Variants in RYR2 observed in about 807,000 individuals in gnomAD.
RYR2 encodes the protein ryanodine receptor 2.
Under a neutral mutation model 601.1 loss-of-function variants are expected in RYR2, and 227 were observed. That is an observed-to-expected ratio of 0.38 (90% CI 0.34 to 0.42). RYR2 has a LOEUF of 0.42. Among genes scored for constraint, RYR2 ranks in the 10% least tolerant of loss-of-function variants. The pLI, the probability that RYR2 is intolerant of heterozygous loss-of-function variation, is 1.00. For synonymous variants in RYR2, 2,223 were observed against 2,175.1 expected (o/e 1.02, Z -0.61); for missense variants, 4,646 against 6,156.5 (o/e 0.75, Z 8.21).
At position 237,550,640 on chromosome 1, in the gene RYR2, C is replaced by T. The variant is rs754181384; in HGVS notation, c.3163C>T (p.Arg1055Cys). The T allele has an allele frequency of 1.3e-5, 20 of 1,580,458 alleles. No individual in the cohort carries two copies. The highest frequency in any genetic ancestry group is 1.7e-5 in the Non-Finnish European group (20 of 1,162,696). ...SNKDSLREAVRTLLGYGYNLE... is the reference protein window; with the variant it reads ...SNKDSLREAVCTLLGYGYNLE... ...CAAGGACAGCCTCCGCGAGGCTGTG[C>T]GCACGCTGCTGGGGTACGGCTACAA... Residue 1055 changes from arginine (R) to cysteine (C), a missense_variant, in exon 27 of 105, where the codon CGC (arginine) becomes TGC (cysteine). Physicochemically the swap from Arg to Cys is radical, Grantham distance 180 (BLOSUM62 -3). Transcript: ENST00000366574.
chr1:237,800,075 G>A (rs372662021), intron 97 of RYR2: 68 of 152,018 alleles, frequency 4.5e-4, no homozygotes, highest in African/African-American at 1.5e-3. Flanking sequence ...GCCACCTACG[G>A]GTGAGAAATG....
At chr1:237,237,148 C>T (rs761151953) in intron 1 of RYR2, among the ~76,000 whole-genome samples, 1 of 152,136 alleles carries the variant, frequency 6.6e-6, no homozygotes, top group African/African-American at 2.4e-5. Context: ...CGGAGGCCTC[C>T]CCAGCCATGC....
At chr1:237,085,387 G>A (rs1483844010) in intron 1 of RYR2, among the ~76,000 whole-genome samples, 2 of 152,164 alleles carry the variant, frequency 1.3e-5, no homozygotes, top group Non-Finnish European at 2.9e-5. Context: ...GTCTTTTGGA[G>A]TCCCTTCCCT....
chr1:237,420,960 C>T (rs768061730), intron 11 of RYR2, among the ~76,000 whole-genome samples: 14 of 152,028 alleles, frequency 9.2e-5, no homozygotes, highest in Non-Finnish European at 1.3e-4. Flanking sequence ...TAATTGTGAC[C>T]GGGCACAGGG....
In RYR2 at chr1:237,758,766, C is replaced by T. The variant is rs377341484; in HGVS notation, c.11325+990C>T. Among the ~76,000 whole-genome samples, 51 of 152,292 alleles carry T rather than the reference C, an allele frequency of 3.3e-4. No individual in the cohort carries two copies. In the South Asian group the frequency reaches 0.01, roughly 30 times the overall value. ...ATTCTTATTTCCTTAAACCTTTGAG[C>T]ATGCTTTCTATCATCTTGTATGTGC... On this transcript the variant is annotated intron_variant, in intron 82 of 104. Coordinates refer to ENST00000366574, the MANE Select transcript of RYR2 (RefSeq NM_001035.3).
rs1573283219 is a variant in RYR2 at position 237,640,828 on chromosome 1, G to C, written c.7116-69G>C. 1.5e-5 allele frequency: 18 copies of C among 1,223,052 alleles called. No homozygotes were observed. The East Asian group carries it at 4.4e-4, about 30-fold the overall frequency. 75.8% of individuals were successfully genotyped at this position (1,223,052 alleles called of 1,614,324 possible). On this transcript the variant is annotated intron_variant, in intron 46 of 104. Coordinates refer to ENST00000366574, the MANE Select transcript of RYR2 (RefSeq NM_001035.3). Reference sequence around the variant, plus strand: ...ACCTAGTAGTCCCTTTCCTCGGAGAGATATGTAATAAACATGAAATGTCAG... The same window carrying C: ...ACCTAGTAGTCCCTTTCCTCGGAGACATATGTAATAAACATGAAATGTCAG...
At chr1:237,724,195 ATATATATATATATATATATATATG>A (rs1356181145) in intron 74 of RYR2, among the ~76,000 whole-genome samples, 2 of 25,366 alleles carry the variant, frequency 7.9e-5, no homozygotes, top group African/African-American at 1.6e-4. Flanking sequence ...ATATATATAT[ATATATATATATATATATATATATG>A]TATGTGTGAT....
chr1:237,190,916 GT>G (rs1254303286), intron 1 of RYR2, among the ~76,000 whole-genome samples: 1 of 152,164 alleles, frequency 6.6e-6, no homozygotes, highest in African/African-American at 2.4e-5. Context: ...GGGTTTTTAA[GT>G]TTGATGTAGT....
At chr1:237,564,251 G>A (rs1201762756) in intron 27 of RYR2, among the ~76,000 whole-genome samples, 1 of 152,000 alleles carries the variant, frequency 6.6e-6, no homozygotes, top group Non-Finnish European at 1.5e-5. Flanking sequence ...TAGTATTGCA[G>A]CACTGAGAAC....
intron 16 of RYR2, among the ~76,000 whole-genome samples, chr1:237,464,515 A>G (rs562145435): frequency 6.6e-6 from 1 of 151,202 alleles, no homozygotes; most frequent in African/African-American, 2.4e-5. Flanking sequence ...TTCTTCTTCC[A>G]CCTTATTTTG....
chr1:237,349,443 G>C (rs553224621), intron 3 of RYR2, among the ~76,000 whole-genome samples: 1 of 152,232 alleles, frequency 6.6e-6, no homozygotes, highest in Admixed American at 6.5e-5. Flanking sequence ...TCTTCAGGCA[G>C]AAAGGAAATG....
At position 237,308,326 on chromosome 1, in the gene RYR2, T is replaced by C. The variant is rs528714426; in HGVS notation, c.169-22552T>C. Among the ~76,000 whole-genome samples, 100 of 152,304 alleles carry C rather than the reference T, an allele frequency of 6.6e-4. No individual in the cohort carries two copies. The Middle Eastern group carries it at 0.01, about 16-fold the overall frequency. On this transcript the variant is annotated intron_variant, in intron 2 of 104. Coordinates refer to ENST00000366574, the MANE Select transcript of RYR2 (RefSeq NM_001035.3). ...AGCATTGTACCTAGGGTGGACACGT[T>C]CCTCCTCTTACTTTCAGGAACGTCC... is the stretch of plus-strand genomic sequence containing the variant.
chr1:237,828,445 G>A lies in RYR2; in HGVS notation c.14655G>A (p.Glu4885=). The change falls in exon 102 of 105, where the codon GAG becomes GAA. Residue 4885 remains glutamate, a splice_region_variant and synonymous_variant. Transcript: ENST00000366574. ...AGGAACAAGTCAAAGAAGACATGGA[G>A]GTAAGCTTCTCCATTCATGACTCAG... ...DQQEQVKEDM[E]TKCFICGIGN... 6.4e-7 allele frequency: 1 copy of A among 1,554,936 alleles called. No individual in the cohort carries two copies. The highest frequency in any genetic ancestry group is 8.7e-7 in the Non-Finnish European group (1 of 1,145,598).
At chr1:237,262,183 T>C (rs1415736157) in intron 1 of RYR2, among the ~76,000 whole-genome samples, 1 of 150,278 alleles carries the variant, frequency 6.7e-6, no homozygotes, top group African/African-American at 2.4e-5. Context: ...CACAAAATTG[T>C]CAGAATCCAG....
intron 29 of RYR2, among the ~76,000 whole-genome samples, chr1:237,583,582 A>C (rs1674172209): frequency 6.6e-6 from 1 of 152,188 alleles, no homozygotes; most frequent in African/African-American, 2.4e-5. Flanking sequence ...CTGATCAAAA[A>C]ATGTGAATTT....
At chr1:237,319,698 C>A (rs1446317010) in intron 2 of RYR2, among the ~76,000 whole-genome samples, 3 of 152,150 alleles carry the variant, frequency 2.0e-5, no homozygotes, top group Non-Finnish European at 4.4e-5. Flanking sequence ...CCTCTACCAG[C>A]CAACCTGTCC....
chr1:237,611,752 T>C (rs546497027), intron 36 of RYR2, among the ~76,000 whole-genome samples: 11 of 152,192 alleles, frequency 7.2e-5, no homozygotes, highest in Admixed American at 2.0e-4. Context: ...TTTTAAGTCT[T>C]TAATCTGAAA....
intron 12 of RYR2, among the ~76,000 whole-genome samples, chr1:237,438,215 A>G (rs529841932): frequency 7.9e-5 from 12 of 152,110 alleles, no homozygotes; most frequent in Non-Finnish European, 1.8e-4. Context: ...TATATTTTTG[A>G]ACATATTTTA....
intron 58 of RYR2, among the ~76,000 whole-genome samples, chr1:237,671,494 G>A (rs942439717): frequency 2.0e-5 from 3 of 151,376 alleles, no homozygotes; most frequent in Non-Finnish European, 4.4e-5. Flanking sequence ...CTGATGTCTT[G>A]GTGCCTGGGT....
Sources: gnomAD v4.1 joint callset for allele counts (sites outside exome capture counted in the v4.1 genomes callset) on GRCh38, gnomAD v4.1.1 for gene constraint, MANE v1.5 for transcripts, NCBI Gene and HGNC (gene_info 2026-07-23, HGNC 2026-07-21) for gene names.